Variants in HLTF observed in about 807,000 individuals in gnomAD.
HLTF encodes the protein helicase like transcription factor.
Under a neutral mutation model 129.4 loss-of-function variants are expected in HLTF, and 127 were observed. The observed-to-expected ratio is 0.98, with a 90% CI of 0.85 to 1.14. The LOEUF is 1.14. Ranked by LOEUF, HLTF falls within the 50% of genes most tolerant of loss-of-function variation. The pLI is 0.00. For synonymous variants in HLTF, 332 were observed against 388.8 expected, an observed-to-expected ratio of 0.85 and a Z score of 1.72; for missense variants, 1,139 against 1,187.1, an observed-to-expected ratio of 0.96 and a Z score of 0.60.
intron 2 of HLTF, among the ~76,000 whole-genome samples, chr3:149,076,716 G>C (rs1431817831): frequency 6.6e-6 from 1 of 152,068 alleles, no homozygotes; most frequent in Admixed American, 6.6e-5. Flanking sequence ...ATATTATGAT[G>C]TATATTTTTA....
intron 13 of HLTF, among the ~76,000 whole-genome samples, chr3:149,057,107 CAAAAAAA>C (rs56809507): frequency 3.6e-5 from 1 of 27,746 alleles, no homozygotes; most frequent in East Asian, 1.3e-3. Context: ...GACTCCGTCT[CAAAAAAA>C]AAAAAAAAAA....
chr3:149,071,708 T>C (rs749718157), intron 5 of HLTF, 51 bp from the exon 6 acceptor site: 1 of 1,088,812 alleles, frequency 9.2e-7, no homozygotes, highest in East Asian at 2.5e-5. Flanking sequence ...ATTAAAATAA[T>C]ACTTGCATTT....
downstream of HLTF, chr3:149,030,066 C>CAATT (rs1468485978): frequency 6.6e-6 from 1 of 152,092 alleles, no homozygotes; most frequent in African/African-American, 2.4e-5. Flanking sequence ...AGAAATGTCA[C>CAATT]AATTAATGAA....
intron 7 of HLTF, 27 bp from the exon 8 acceptor site, chr3:149,068,362 G>A: frequency 1.8e-6 from 2 of 1,114,980 alleles, no homozygotes; most frequent in Non-Finnish European, 2.6e-6. Flanking sequence ...AAAGATAAAT[G>A]GTCAGATTGT....
intron 13 of HLTF, among the ~76,000 whole-genome samples, chr3:149,058,595 G>A (rs1037653719): frequency 6.6e-6 from 1 of 151,946 alleles, no homozygotes; most frequent in African/African-American, 2.4e-5. Context: ...TTTTTACTTT[G>A]TTTATGGCAC....
At chr3:149,050,512 T>G in intron 14 of HLTF, 137 bp from the exon 15 acceptor site, 1 of 494,420 alleles carries the variant, frequency 2.0e-6, no homozygotes, top group Admixed American at 3.6e-5. Flanking sequence ...TTTCCTTCAG[T>G]CTAGACCAAA....
rs1716778055 is a variant in HLTF at position 149,049,055 on chromosome 3, T to TA, written c.1618-55dup. ...AAACACAGGAAAGTAAAATAGTACT[T>TA]AATATGATTTGCTAACTAGTTGTTA... On this transcript the variant is annotated intron_variant, in intron 15 of 24. Coordinates refer to ENST00000310053, the MANE Select transcript of HLTF (RefSeq NM_003071.4). 6.5e-6 allele frequency: 8 copies of TA among 1,228,522 alleles called. No individual in the cohort carries two copies. In the African/African-American group the frequency reaches 1.1e-4, roughly 16 times the overall value. 76.1% of individuals were successfully genotyped at this position (1,228,522 alleles called of 1,614,324 possible).
chr3:149,034,878 G>A lies in HLTF; in HGVS notation c.2877+40C>T, dbSNP rs369183381. 47 of 1,322,618 alleles carry A rather than the reference G, an allele frequency of 3.6e-5. No homozygotes were observed. The Admixed American group carries it at 5.6e-4, about 16-fold the overall frequency. The allele number at this position is 1,322,618 out of a possible 1,614,324, so 81.9% of individuals were successfully genotyped here. On this transcript the variant is annotated intron_variant, in intron 24 of 24. Coordinates refer to ENST00000310053, the MANE Select transcript of HLTF (RefSeq NM_003071.4). ...CATTACTTGCTTAATTGTAAAAATC[G>A]TATCAACCTAGTCTTAAAATAGTTT...
intron 13 of HLTF, among the ~76,000 whole-genome samples, chr3:149,055,711 G>A (rs529690965): frequency 6.2e-4 from 94 of 152,314 alleles, no homozygotes; most frequent in African/African-American, 2.2e-3. Context: ...CTGAATTTGT[G>A]TTATATTTAA....
At chr3:149,032,916 T>C (rs1021449224) in intron 24 of HLTF, among the ~76,000 whole-genome samples, 2 of 148,432 alleles carry the variant, frequency 1.3e-5, no homozygotes, top group Admixed American at 6.7e-5. Context: ...TAAGCCGACA[T>C]TGCGCCACTG....
At chr3:149,046,656 G>C (rs1230723518) in intron 17 of HLTF, among the ~76,000 whole-genome samples, 1 of 152,008 alleles carries the variant, frequency 6.6e-6, no homozygotes, top group African/African-American at 2.4e-5. Flanking sequence ...AATGTTGTAA[G>C]AATACAAATA....
intron 13 of HLTF, 59 bp downstream of exon 13, chr3:149,059,659 T>G: frequency 9.7e-7 from 1 of 1,029,852 alleles, no homozygotes; most frequent in East Asian, 2.4e-5. Flanking sequence ...AAATTTTAAA[T>G]TTTTTCATTC....
chr3:149,068,319 G>T lies in HLTF; in HGVS notation c.911C>A (p.Ala304Asp). ...GAAGTTGGTAAGGATTACTGCAATGGCCGTAAGAGTTTTACCCTTAAAAAT... is the reference window on the plus strand; with the variant it reads ...GAAGTTGGTAAGGATTACTGCAATGTCCGTAAGAGTTTTACCCTTAAAAAT... ...DDMGLGKTLTAIAVILTNFHD... is the reference protein window; with the variant it reads ...DDMGLGKTLTDIAVILTNFHD... The change falls in exon 8 of 25, where the codon GCC becomes GAC. Residue 304 changes from alanine to aspartate, a missense_variant. By Grantham distance (126) the Ala-to-Asp change is moderately radical. Coordinates refer to ENST00000310053, the MANE Select transcript of HLTF (RefSeq NM_003071.4). 6.5e-7 allele frequency: 1 copy of T among 1,532,782 alleles called. No homozygotes were observed. Among genetic ancestry groups the T allele is most frequent in the Non-Finnish European group, 9.0e-7 (1 of 1,113,184 alleles). 94.9% of individuals were successfully genotyped at this position (1,532,782 alleles called of 1,614,324 possible).
Position 149,048,734 on chromosome 3 carries a change from A to G in HLTF, c.1756+129T>C, listed in dbSNP as rs1192456357. 1.1e-5 allele frequency: 7 copies of G among 658,872 alleles called. No individual in the cohort carries two copies. The African/African-American group carries it at 1.3e-4, about 12-fold the overall frequency. The allele number at this position is 658,872 out of a possible 1,614,324, so 40.8% of individuals were successfully genotyped here. A position where few individuals can be genotyped will look rare whatever the true frequency, so the allele number is the denominator to read the frequency against. On this transcript the variant is annotated intron_variant, in intron 16 of 24. Transcript: ENST00000310053. ...GAAGAACAACTCAAAACATTTGATT[A>G]AATTATTTATATGATTAATTTTGGG...
At position 149,076,065 on chromosome 3, in the gene HLTF, C is replaced by T. The variant is rs994036396; in HGVS notation, c.229-18G>A. The T allele has an allele frequency of 3.1e-6, 3 of 963,386 alleles. No individual in the cohort carries two copies. Among genetic ancestry groups the T allele is most frequent in the African/African-American group, 1.7e-5 (1 of 60,360 alleles). 59.7% of individuals were successfully genotyped at this position (963,386 alleles called of 1,614,324 possible). ...TTATTAACCTAATAAAAATGATAAA[C>T]AGATAATATTACATTATAAATAATA... On this transcript the variant is annotated intron_variant, in intron 2 of 24. Transcript: ENST00000310053.
In HLTF at chr3:149,074,244, T is replaced by C. The variant is rs771912152; in HGVS notation, c.500A>G (p.His167Arg). ...RKAVSDQLKK[H>R]GFKLGPAPKT... ...TGGTGCAGGACCCAATTTAAATCCA[T>C]GTTTCTTCAACTGATCTGAAACCGC... is the stretch of plus-strand genomic sequence containing the variant. The change falls in exon 4 of 25, where the codon CAT (histidine) becomes CGT (arginine). Residue 167 changes from histidine (H) to arginine (R), a missense_variant. Coordinates refer to ENST00000310053, the MANE Select transcript of HLTF (RefSeq NM_003071.4). 6.2e-7 allele frequency: 1 copy of C among 1,613,556 alleles called. No homozygotes were observed. Among genetic ancestry groups the C allele is most frequent in the Middle Eastern group, 1.7e-4 (1 of 6,056 alleles).
At chr3:149,070,043 G>C (rs1433505303) in intron 7 of HLTF, among the ~76,000 whole-genome samples, 3 of 152,122 alleles carry the variant, frequency 2.0e-5, no homozygotes, top group Non-Finnish European at 4.4e-5. Flanking sequence ...TCATACATGG[G>C]TAAAATATTC....
intron 10 of HLTF, chr3:149,063,049 CTCTA>C (rs1297860376): frequency 2.0e-5 from 9 of 456,422 alleles, no homozygotes; most frequent in African/African-American, 1.6e-4. Flanking sequence ...TCATGGTCAT[CTCTA>C]TCTCTCTCTT....
rs1312244098 is a variant in HLTF, at chr3:149,059,530, T to C, written c.1375+188A>G. On this transcript the variant is annotated intron_variant, in intron 13 of 24. Transcript: ENST00000310053. Reference sequence around the variant, plus strand: ...TTGGCCCTAACTAAAACAAATACAGTAGGAAAATGCACCAAAAGGAAAACA... The same window carrying C: ...TTGGCCCTAACTAAAACAAATACAGCAGGAAAATGCACCAAAAGGAAAACA... 7.3e-6 allele frequency: 4 copies of C among 545,122 alleles called. No homozygotes were observed. In the Admixed American group the frequency reaches 1.3e-4, roughly 18 times the overall value. 33.8% of individuals were successfully genotyped at this position (545,122 alleles called of 1,614,324 possible).
Sources: gnomAD v4.1 joint callset for allele counts (sites outside exome capture counted in the v4.1 genomes callset) on GRCh38, gnomAD v4.1.1 for gene constraint, MANE v1.5 for transcripts, NCBI Gene and HGNC (gene_info 2026-07-23, HGNC 2026-07-21) for gene names.